Variants in RPGRIP1 observed in about 807,000 individuals in gnomAD.
RPGRIP1 encodes RPGR interacting protein 1.
In RPGRIP1, 128 loss-of-function variants were observed where a neutral mutation model predicts 157.9. That is an observed-to-expected ratio of 0.81 (90% confidence interval 0.70 to 0.94). RPGRIP1 has a LOEUF of 0.94. Among genes scored for constraint, RPGRIP1 ranks in the 40% least tolerant of loss-of-function variants. RPGRIP1 has a pLI of 0.00. For synonymous variants in RPGRIP1, 554 were observed against 571.6 expected (o/e 0.97, Z 0.44); for missense variants, 1,486 against 1,545.8 (o/e 0.96, Z 0.65).
At position 21,312,443 on chromosome 14, in the gene RPGRIP1, G is replaced by T; in HGVS notation, c.1088G>T (p.Arg363Ile). Residue 363 changes from arginine to isoleucine, a missense_variant, in exon 10 of 25, where the codon AGA (arginine) becomes ATA (isoleucine). Coordinates refer to ENST00000400017, the MANE Select transcript of RPGRIP1 (RefSeq NM_020366.4). ...LQMTLKEFQERVEDLEKERKL... is the reference protein window; with the variant it reads ...LQMTLKEFQEIVEDLEKERKL... ...TACTATCACTCTTAGTTTCAGGAGAGAGTTGAAGATTTGGAAAAAGAACGA... is the reference window on the plus strand; with the variant it reads ...TACTATCACTCTTAGTTTCAGGAGATAGTTGAAGATTTGGAAAAAGAACGA... 1 of 1,607,270 alleles carries T rather than the reference G, an allele frequency of 6.2e-7. No individual in the cohort carries two copies. The highest frequency in any genetic ancestry group is 8.5e-7 in the Non-Finnish European group (1 of 1,174,874).
At chr14:21,342,206 T>C (rs539824819) in intron 21 of RPGRIP1, among the ~76,000 whole-genome samples, 2 of 152,120 alleles carry the variant, frequency 1.3e-5, no homozygotes, top group East Asian at 3.9e-4. Flanking sequence ...TCAGGAGGTC[T>C]TTTAGGTCCT....
intron 2 of RPGRIP1, among the ~76,000 whole-genome samples, chr14:21,288,805 G>C (rs1221098514): frequency 2.0e-5 from 3 of 152,094 alleles, no homozygotes; most frequent in Non-Finnish European, 4.4e-5. Context: ...GAGCCACCGT[G>C]CCCAGACTTA....
At chr14:21,296,007 C>T (rs1337681731) in intron 3 of RPGRIP1, among the ~76,000 whole-genome samples, 1 of 152,042 alleles carries the variant, frequency 6.6e-6, no homozygotes, top group Non-Finnish European at 1.5e-5. Context: ...GCAGTCTCGG[C>T]TCACTGCAAC....
chr14:21,338,358 AATTTCCTGACCCTTATGTATGCCAGGT>A (rs1884623849), intron 21 of RPGRIP1, among the ~76,000 whole-genome samples: 1 of 152,142 alleles, frequency 6.6e-6, no homozygotes, highest in Admixed American at 6.5e-5. Flanking sequence ...AGGTGTCAGG[AATTTCCTGACCCTTATGTATGCCAGGT>A]AGTAAGTTTT....
chr14:21,320,140 C>T lies in RPGRIP1; in HGVS notation c.1430C>T (p.Thr477Ile). The change falls in exon 12 of 25, where the codon ACT (threonine) becomes ATT (isoleucine). Residue 477 changes from threonine (T) to isoleucine (I), a missense_variant. Physicochemically the swap from Thr to Ile is moderately conservative, Grantham distance 89. Transcript: ENST00000400017. Reference sequence around the variant, plus strand: ...CCTGACAGGCAATCTGAACCAGCCACTCACCCAGCTGTATTGCAAGAGAAC... The same window carrying T: ...CCTGACAGGCAATCTGAACCAGCCATTCACCCAGCTGTATTGCAAGAGAAC... ...QPPDRQSEPA[T>I]HPAVLQENTQ... The T allele has an allele frequency of 4.3e-6, 7 of 1,613,970 alleles. No individual in the cohort carries two copies. Among genetic ancestry groups the T allele is most frequent in the South Asian group, 1.1e-5 (1 of 91,084 alleles).
At position 21,351,115 on chromosome 14, in the gene RPGRIP1, G is replaced by A. The variant is rs370728861; in HGVS notation, c.3760G>A (p.Glu1254Lys). ...CCCTTTCCCAACAGTTGTTAGCCCT[G>A]AAGATCTGGCTACCCCAATAGGAAG... ...LEQELDIVSP[E>K]DLATPIGRLK... Residue 1254 changes from glutamate (E) to lysine (K), a missense_variant, in exon 25 of 25, where the codon GAA becomes AAA. Coordinates refer to ENST00000400017, the MANE Select transcript of RPGRIP1 (RefSeq NM_020366.4). 4.2e-5 allele frequency: 67 copies of A among 1,607,020 alleles called. No homozygotes were observed. The highest frequency in any genetic ancestry group is 6.8e-5 in the Admixed American group (4 of 59,244).
chr14:21,292,070 T>C (rs1880553744), intron 2 of RPGRIP1, among the ~76,000 whole-genome samples: 2 of 152,136 alleles, frequency 1.3e-5, no homozygotes, highest in Non-Finnish European at 2.9e-5. Flanking sequence ...TTTTTATATT[T>C]TTTGTAGAGA....
intron 2 of RPGRIP1, among the ~76,000 whole-genome samples, chr14:21,289,721 G>T (rs1880443798): frequency 6.6e-6 from 1 of 152,080 alleles, no homozygotes; most frequent in South Asian, 2.1e-4. Context: ...GGCAGAAATT[G>T]CCTGGGCATA....
rs755845899 is a variant in RPGRIP1, at chr14:21,294,778, C to A, written c.187C>A (p.Leu63Ile). 6.3e-6 allele frequency: 10 copies of A among 1,587,670 alleles called. No homozygotes were observed. The highest frequency in any genetic ancestry group is 7.7e-6 in the Non-Finnish European group (9 of 1,165,888). ...CGAAGATCACATGTTGGTGAAGGAGCTTTCTTGGAAGCAACAGGATGAGAT... is the reference window on the plus strand; with the variant it reads ...CGAAGATCACATGTTGGTGAAGGAGATTTCTTGGAAGCAACAGGATGAGAT... ...LREDHMLVKELSWKQQDEIKR... is the reference protein window; with the variant it reads ...LREDHMLVKEISWKQQDEIKR... The change falls in exon 3 of 25, where the codon CTT becomes ATT. Residue 63 changes from leucine to isoleucine, a missense_variant. Coordinates refer to ENST00000400017, the MANE Select transcript of RPGRIP1 (RefSeq NM_020366.4).
chr14:21,332,709 A>G (rs1401904376), intron 20 of RPGRIP1, among the ~76,000 whole-genome samples: 4 of 152,180 alleles, frequency 2.6e-5, no homozygotes, highest in Admixed American at 2.6e-4. Context: ...CTCATGTACT[A>G]TATGGTCATC....
chr14:21,293,822 T>A (rs1427054167), intron 2 of RPGRIP1, among the ~76,000 whole-genome samples: 1 of 151,108 alleles, frequency 6.6e-6, no homozygotes, highest in Non-Finnish European at 1.5e-5. Flanking sequence ...GAGCTTGCAG[T>A]GAGCCGAGAT....
chr14:21,346,091 G>A (rs1392625736), intron 23 of RPGRIP1, among the ~76,000 whole-genome samples: 4 of 152,152 alleles, frequency 2.6e-5, no homozygotes, highest in South Asian at 4.1e-4. Context: ...GATTACAGGC[G>A]TGAGTGACCA....
Position 21,294,829 on chromosome 14 carries a change from AATTTTTTTTTT to A in RPGRIP1, c.218+21_218+31del. On this transcript the variant is annotated intron_variant, in intron 3 of 24. Coordinates refer to ENST00000400017, the MANE Select transcript of RPGRIP1 (RefSeq NM_020366.4). ...CAAAAGGTACTTAGAGTTCTCCTTAAATTTTTTTTTTTTTTTTTTTTTTTTTTTTTTTTGAG... is the reference window on the plus strand; with the variant it reads ...CAAAAGGTACTTAGAGTTCTCCTTAATTTTTTTTTTTTTTTTTTTTTTGAG... 1.1e-5 allele frequency: 9 copies of A among 827,976 alleles called. No homozygotes were observed. The highest frequency in any genetic ancestry group is 4.9e-5 in the Admixed American group (1 of 20,568). 51.3% of individuals were successfully genotyped at this position (827,976 alleles called of 1,614,324 possible).
chr14:21,290,593 C>T (rs573002280), intron 2 of RPGRIP1, among the ~76,000 whole-genome samples: 28 of 151,978 alleles, frequency 1.8e-4, no homozygotes, highest in Non-Finnish European at 3.8e-4. Context: ...GGGTGGATCA[C>T]GAGGTCAGGA....
At chr14:21,294,508 G>A (rs1341942781) in intron 2 of RPGRIP1, among the ~76,000 whole-genome samples, 169 bp from the exon 3 acceptor site, 1 of 152,152 alleles carries the variant, frequency 6.6e-6, no homozygotes, top group East Asian at 1.9e-4. Flanking sequence ...GATTACAGGT[G>A]TGAGCCACTG....
At chr14:21,286,971 C>T (rs1427603922) in intron 1 of RPGRIP1, among the ~76,000 whole-genome samples, 2 of 148,446 alleles carry the variant, frequency 1.3e-5, no homozygotes, top group African/African-American at 2.5e-5. Context: ...TGCAGTGAAA[C>T]GTGGTTGTGC....
Position 21,280,283 on chromosome 14 carries a change from G to A in RPGRIP1, c.-39+124G>A, listed in dbSNP as rs144496657. On this transcript the variant is annotated intron_variant, in intron 1 of 24. Coordinates refer to ENST00000400017, the MANE Select transcript of RPGRIP1 (RefSeq NM_020366.4). ...TTTTGAGACAGAGTCTTACTCTGTC[G>A]CCCAGGCTGGAGTGCACCGGCACTA... 7.1e-3 allele frequency among the ~76,000 whole-genome samples: 889 copies of A among 125,134 alleles called. 9 individuals are homozygous for A. The highest frequency in any genetic ancestry group is 0.026 in the African/African-American group (843 of 32,942). The allele number at this position is 125,134 out of a possible 152,430, so 82.1% of individuals were successfully genotyped here. A position where few individuals can be genotyped will look rare whatever the true frequency, so the allele number is the denominator to read the frequency against.
At chr14:21,321,715 G>A (rs887213317) in intron 13 of RPGRIP1, 139 bp from the exon 14 acceptor site, 8 of 960,338 alleles carry the variant, frequency 8.3e-6, no homozygotes, top group Non-Finnish European at 1.2e-5. Flanking sequence ...GGGTCTGCAA[G>A]GAAATCAAAC....
intron 6 of RPGRIP1, among the ~76,000 whole-genome samples, chr14:21,304,682 A>C (rs146030867): frequency 6.6e-6 from 1 of 152,116 alleles, no homozygotes. Context: ...AGCCTCCCCA[A>C]CTATCAGCAC....
Sources: gnomAD v4.1 joint callset for allele counts (sites outside exome capture counted in the v4.1 genomes callset) on GRCh38, gnomAD v4.1.1 for gene constraint, MANE v1.5 for transcripts, NCBI Gene and HGNC (gene_info 2026-07-23, HGNC 2026-07-21) for gene names.